Variants in NHEJ1 observed in about 807,000 individuals in gnomAD.
NHEJ1 encodes the protein non-homologous end joining factor 1, also known as non-homologous end-joining factor 1.
In NHEJ1, 22 loss-of-function variants were observed where a neutral mutation model predicts 39.4. The observed-to-expected ratio is 0.56, with a 90% CI of 0.40 to 0.80. The LOEUF (loss-of-function observed/expected upper bound fraction) is 0.80. Ranked by LOEUF, NHEJ1 falls within the 30% of genes least tolerant of loss-of-function variation. The pLI, the probability that NHEJ1 is intolerant of heterozygous loss-of-function variation, is 0.00. For synonymous variants in NHEJ1, 154 were observed against 135.6 expected, an observed-to-expected ratio of 1.14 and a Z score of -0.94; for missense variants, 329 against 357.1, an observed-to-expected ratio of 0.92 and a Z score of 0.63.
At chr2:219,095,200 C>A in intron 5 of NHEJ1, 2 of 442,856 alleles carry the variant, frequency 4.5e-6, no homozygotes, top group South Asian at 1.6e-5. Context: ...TTCCATTCAG[C>A]CTAACTACCG....
chr2:219,130,676 T>C (rs1949569732), intron 5 of NHEJ1, among the ~76,000 whole-genome samples: 1 of 152,176 alleles, frequency 6.6e-6, no homozygotes, highest in South Asian at 2.1e-4. Context: ...AGGGAAGATT[T>C]TTCTGTACAT....
intron 5 of NHEJ1, among the ~76,000 whole-genome samples, chr2:219,110,146 A>G (rs1237501993): frequency 2.6e-5 from 4 of 152,160 alleles, no homozygotes; most frequent in Non-Finnish European, 4.4e-5. Flanking sequence ...CTGGAGAGAC[A>G]GCAATGAACA....
intron 5 of NHEJ1, among the ~76,000 whole-genome samples, chr2:219,113,110 A>C (rs1249381929): frequency 6.6e-6 from 1 of 152,226 alleles, no homozygotes; most frequent in Non-Finnish European, 1.5e-5. Flanking sequence ...TTACCTCCTC[A>C]GTGCTAACCA....
intron 5 of NHEJ1, among the ~76,000 whole-genome samples, chr2:219,144,427 C>A (rs1030677547): frequency 1.3e-5 from 2 of 151,896 alleles, no homozygotes; most frequent in African/African-American, 4.8e-5. Context: ...AGTGGTAAAA[C>A]AGAGGTATAA....
intron 5 of NHEJ1, among the ~76,000 whole-genome samples, chr2:219,104,995 C>T (rs1355957476): frequency 6.6e-6 from 1 of 152,114 alleles, no homozygotes; most frequent in African/African-American, 2.4e-5. Context: ...TCAGATGTAT[C>T]ACAGGAACTC....
intron 5 of NHEJ1, among the ~76,000 whole-genome samples, chr2:219,125,270 G>A (rs1421017410): frequency 1.3e-5 from 2 of 152,234 alleles, no homozygotes; most frequent in Middle Eastern, 3.4e-3. Context: ...CCCATATTAC[G>A]CATAAAATCA....
At chr2:219,130,686 T>C (rs1949569820) in intron 5 of NHEJ1, among the ~76,000 whole-genome samples, 1 of 152,134 alleles carries the variant, frequency 6.6e-6, no homozygotes, top group Non-Finnish European at 1.5e-5. Flanking sequence ...TTTCTGTACA[T>C]GTTAGGTTGG....
At chr2:219,095,313 G>A (rs1433732751) in intron 5 of NHEJ1, 1 of 471,046 alleles carries the variant, frequency 2.1e-6, no homozygotes, top group Admixed American at 2.3e-5. Flanking sequence ...AGAGTTCTAG[G>A]CCAATATGCC....
chr2:219,081,133 T>C lies in NHEJ1; in HGVS notation c.589-2927A>G, dbSNP rs186111454. On this transcript the variant is annotated intron_variant, in intron 5 of 7. Transcript: ENST00000356853. ...ATAAAAAGGAGACAGGTGGACCAGA[T>C]TGGACCCCTTGGGGGCTGAGAGACC... 2.8e-4 allele frequency among the ~76,000 whole-genome samples: 43 copies of C among 152,192 alleles called. No homozygotes were observed. The South Asian group carries it at 2.9e-3, about 10-fold the overall frequency.
Position 219,157,520 on chromosome 2 carries a change from G to T in NHEJ1, c.342C>A (p.Gly114=). The T allele has an allele frequency of 6.2e-7, 1 of 1,614,118 alleles. No individual in the cohort carries two copies. Among genetic ancestry groups the T allele is most frequent in the Non-Finnish European group, 8.5e-7 (1 of 1,180,024 alleles). Reference sequence around the variant, plus strand: ...AGTGGAAATTCCAATAGAAGGGGAGGCCAGAGAGCTCACTTCGCACCCGTA... The same window carrying T: ...AGTGGAAATTCCAATAGAAGGGGAGTCCAGAGAGCTCACTTCGCACCCGTA... ...LILRVRSELS[G]LPFYWNFHCM... The change falls in exon 3 of 8, where the codon GGC becomes GGA. Residue 114 remains glycine, a synonymous_variant. Transcript: ENST00000356853.
At chr2:219,151,039 A>G (rs1949790488) in intron 3 of NHEJ1, among the ~76,000 whole-genome samples, 1 of 151,322 alleles carries the variant, frequency 6.6e-6, no homozygotes, top group Admixed American at 6.6e-5. Context: ...GAGGTGGGAG[A>G]ACTGCTTGAG....
At position 219,111,710 on chromosome 2, in the gene NHEJ1, C is replaced by T. The variant is rs951765185; in HGVS notation, c.589-33504G>A. Among the ~76,000 whole-genome samples the T allele has an allele frequency of 2.2e-4, 33 of 151,938 alleles. No individual in the cohort carries two copies. The highest frequency in any genetic ancestry group is 7.0e-4 in the African/African-American group (29 of 41,410). On this transcript the variant is annotated intron_variant, in intron 5 of 7. Transcript: ENST00000356853. This position sits in a 1 kb window ranked among gnomAD's most constrained non-coding sequence, Gnocchi z 4.1. ...GGAAAGAAGGGGAAAGGAAAGCACA[C>T]ACAACACAACACACCAGGGCAGCTG...
intron 5 of NHEJ1, among the ~76,000 whole-genome samples, chr2:219,084,544 C>T (rs1949095319): frequency 6.6e-6 from 1 of 152,228 alleles, no homozygotes; most frequent in Non-Finnish European, 1.5e-5. Flanking sequence ...ACTGAGGCAG[C>T]ATGGCTTTTG....
chr2:219,094,410 G>A (rs1949188085), intron 5 of NHEJ1, among the ~76,000 whole-genome samples: 1 of 152,172 alleles, frequency 6.6e-6, no homozygotes, highest in Admixed American at 6.5e-5. Flanking sequence ...GAAAAAGAGA[G>A]AAGTACGAAT....
chr2:219,088,412 G>A (rs1949131037), intron 5 of NHEJ1, among the ~76,000 whole-genome samples: 1 of 152,068 alleles, frequency 6.6e-6, no homozygotes, highest in African/African-American at 2.4e-5. Flanking sequence ...AGGATTGCTT[G>A]AGCCCGGGAG....
chr2:219,159,573 A>ATG (rs1559206332), intron 1 of NHEJ1, among the ~76,000 whole-genome samples: 3 of 14,028 alleles, frequency 2.1e-4, no homozygotes, highest in African/African-American at 2.2e-4. Context: ...GCATATATAT[A>ATG]TGCATATATA....
Position 219,070,345 on chromosome 2 carries a change from C to A in NHEJ1, c.*6036G>T, listed in dbSNP as rs1215479601. Reference sequence around the variant, plus strand: ...TAGCTGGGATTACAGGTGTGCGCCACCACATCCAGCTAATTTTTGTATTTT... The same window carrying A: ...TAGCTGGGATTACAGGTGTGCGCCAACACATCCAGCTAATTTTTGTATTTT... On this transcript the variant is annotated 3_prime_UTR_variant, in exon 8 of 8. Coordinates refer to ENST00000356853, the MANE Select transcript of NHEJ1 (RefSeq NM_024782.3). Among the ~76,000 whole-genome samples the A allele has an allele frequency of 2.0e-5, 3 of 152,182 alleles. No individual in the cohort carries two copies. The highest frequency in any genetic ancestry group is 7.2e-5 in the African/African-American group (3 of 41,440).
intron 5 of NHEJ1, among the ~76,000 whole-genome samples, chr2:219,080,691 TTATATATATATATGCTAA>T (rs1559185995): frequency 1.5e-5 from 1 of 65,424 alleles, no homozygotes; most frequent in Non-Finnish European, 5.1e-5. Flanking sequence ...ATATATATGC[TTATATATATATATGCTAA>T]TATATATATA....
At chr2:219,122,298 C>T (rs564155407) in intron 5 of NHEJ1, among the ~76,000 whole-genome samples, 2 of 152,338 alleles carry the variant, frequency 1.3e-5, no homozygotes, top group South Asian at 4.1e-4. Context: ...ATGACTTCCT[C>T]ATCTGTCCTC....
Sources: gnomAD v4.1 joint callset for allele counts (sites outside exome capture counted in the v4.1 genomes callset) on GRCh38, gnomAD v4.1.1 for gene constraint, Gnocchi (gnomAD v3.1) non-coding constraint, MANE v1.5 for transcripts, NCBI Gene and HGNC (gene_info 2026-07-23, HGNC 2026-07-21) for gene names.